Variants in SLC46A2 observed in about 807,000 individuals in gnomAD.
SLC46A2 encodes the protein thymic stromal co-transporter.
Under a neutral mutation model 33.1 loss-of-function variants are expected in SLC46A2, and 25 were observed. That is an observed-to-expected ratio of 0.76 (90% CI 0.55 to 1.06). SLC46A2 has a LOEUF of 1.06. Ranked by LOEUF, SLC46A2 falls within the 50% of genes least tolerant of loss-of-function variation. The pLI is 0.00. For synonymous variants in SLC46A2, 254 were observed against 275.9 expected (o/e 0.92, Z 0.79); for missense variants, 622 against 621.7 (o/e 1.00, Z 0.00).
chr9:112,881,026 C>G (rs983767935), intron 3 of SLC46A2, among the ~76,000 whole-genome samples: 3 of 152,184 alleles, frequency 2.0e-5, no homozygotes, highest in African/African-American at 7.2e-5. Context: ...CAAGATTAAG[C>G]CTTTGCTAAT....
rs1291236027 is a variant in SLC46A2, at chr9:112,890,046, G to A, written c.636C>T (p.Ser212=). 22 of 1,613,812 alleles carry A rather than the reference G, an allele frequency of 1.4e-5. No homozygotes were observed. The highest frequency in any genetic ancestry group is 1.8e-5 in the Non-Finnish European group (21 of 1,180,018). ...GCAGGGCAAACGAGGCACAGCTCAC[G>A]CTGCAGGCCGTCAGTATCAGGCCCT... The part of the protein sequence containing the change: ...SGQGLILTAC[S]VSCASFALLY... The change falls in exon 1 of 4, where the codon AGC becomes AGT. Residue 212 remains serine, a synonymous_variant. Coordinates refer to ENST00000374228, the MANE Select transcript of SLC46A2 (RefSeq NM_033051.4). The surrounding 1 kb of genome is among the most constrained non-coding windows in gnomAD (Gnocchi z 6.0).
chr9:112,889,503 T>G (rs768315734), intron 1 of SLC46A2, 50 bp downstream of exon 1: 1 of 1,539,750 alleles, frequency 6.5e-7, no homozygotes, highest in Non-Finnish European at 8.8e-7. Flanking sequence ...GTCAGCCCCA[T>G]GATGCAGAGG....
At chr9:112,881,592 CTT>C (rs1841577707) in intron 3 of SLC46A2, 1 of 152,284 alleles carries the variant, frequency 6.6e-6, no homozygotes, top group African/African-American at 2.4e-5. Context: ...GCAGTGCTGA[CTT>C]ATTAGTCAGC....
rs142032448 is a variant in SLC46A2, at chr9:112,885,742, A to G, written c.1370+718T>C. On this transcript the variant is annotated intron_variant, in intron 3 of 3. Transcript: ENST00000374228. ...GGAGATGATATTTTGCATGTCAAAT[A>G]TGTTATTAAAATTAATTTCACCTGT... The G allele has an allele frequency of 9.2e-5, 14 of 152,300 alleles. No individual in the cohort carries two copies. The East Asian group carries it at 1.9e-3, about 21-fold the overall frequency. The allele number at this position is 152,300 out of a possible 1,614,324, so 9.4% of individuals were successfully genotyped here.
intron 3 of SLC46A2, among the ~76,000 whole-genome samples, chr9:112,884,601 G>T (rs553016928): frequency 1.3e-5 from 2 of 152,208 alleles, no homozygotes; most frequent in Non-Finnish European, 2.9e-5. Context: ...CAGAATCTCT[G>T]GTGGGTGGGA....
intron 1 of SLC46A2, among the ~76,000 whole-genome samples, chr9:112,889,025 G>A (rs1338913325): frequency 6.6e-6 from 1 of 152,010 alleles, no homozygotes; most frequent in Non-Finnish European, 1.5e-5. Flanking sequence ...TGAGTAGCTA[G>A]GACTACAGGT....
chr9:112,890,498 G>T lies in SLC46A2; in HGVS notation c.184C>A (p.Pro62Thr), dbSNP rs145268630. ...TGTTGGTCCTCTAGAGCCCCCCGGGGCGATGGGCTGGCACTGTGGTTGGAG... is the reference window on the plus strand; with the variant it reads ...TGTTGGTCCTCTAGAGCCCCCCGGGTCGATGGGCTGGCACTGTGGTTGGAG... ...GSSNHSASPS[P>T]RGALEDQQQR... The change falls in exon 1 of 4, where the codon CCC becomes ACC. Residue 62 changes from proline to threonine, a missense_variant. Physicochemically the swap from Pro to Thr is conservative, Grantham distance 38. Transcript: ENST00000374228. This position sits in a 1 kb window ranked among gnomAD's most constrained non-coding sequence, Gnocchi z 6.0. 6.2e-7 allele frequency: 1 copy of T among 1,614,208 alleles called. No homozygotes were observed. The highest frequency in any genetic ancestry group is 1.7e-5 in the Admixed American group (1 of 60,036).
rs1192297149 is a variant in SLC46A2 at position 112,889,720 on chromosome 9, C to T, written c.962G>A (p.Gly321Asp). Residue 321 changes from glycine to aspartate, a missense_variant, in exon 1 of 4, where the codon GGC (glycine) becomes GAC (aspartate). Physicochemically the swap from Gly to Asp is moderately conservative, Grantham distance 94. Coordinates refer to ENST00000374228, the MANE Select transcript of SLC46A2 (RefSeq NM_033051.4). ...GGTGTACCCTGCAGCCATACCATAG[C>T]CCACCTGCACTTGGTTCCAACCGAG... is the stretch of plus-strand genomic sequence containing the variant. ...EPLGWNQVQV[G>D]YGMAAGYTIF... The T allele has an allele frequency of 1.2e-6, 2 of 1,614,072 alleles. No homozygotes were observed.
At chr9:112,888,146 G>A (rs770321540) in intron 1 of SLC46A2, among the ~76,000 whole-genome samples, 7 of 152,120 alleles carry the variant, frequency 4.6e-5, no homozygotes, top group Non-Finnish European at 8.8e-5. Flanking sequence ...GTGTGGTGGT[G>A]CATGCCTATA....
intron 2 of SLC46A2, 109 bp downstream of exon 2, chr9:112,887,221 G>T (rs1841652786): frequency 2.1e-6 from 2 of 947,476 alleles, no homozygotes; most frequent in Non-Finnish European, 3.2e-6. Flanking sequence ...TGTCTTCAAA[G>T]ATGCTTCTGG....
intron 3 of SLC46A2, chr9:112,881,612 A>T (rs1184171195): frequency 6.6e-6 from 1 of 152,236 alleles, no homozygotes; most frequent in East Asian, 1.9e-4. Flanking sequence ...AGCGTAAGTC[A>T]GCGCTGAGAG....
chr9:112,884,741 G>A (rs763714273), intron 3 of SLC46A2, among the ~76,000 whole-genome samples: 2 of 152,176 alleles, frequency 1.3e-5, no homozygotes, highest in Non-Finnish European at 2.9e-5. Flanking sequence ...TTGCTTACTT[G>A]TATCTTCCCA....
At position 112,886,497 on chromosome 9, in the gene SLC46A2, A is replaced by G; in HGVS notation, c.1333T>C (p.Ser445Pro). The change falls in exon 3 of 4, where the codon TCC (serine) becomes CCC (proline). Residue 445 changes from serine (S) to proline (P), a missense_variant. Physicochemically the swap from Ser to Pro is moderately conservative, Grantham distance 74. Transcript: ENST00000374228. ...DMFVGSCFALSSFLSFLAIIP... is the reference protein window; with the variant it reads ...DMFVGSCFALPSFLSFLAIIP... Reference sequence around the variant, plus strand: ...ATGGCCAGGAAGGAGAGAAAGGAGGAGAGAGCAAAGCAGGAGCCCACAAAC... The same window carrying G: ...ATGGCCAGGAAGGAGAGAAAGGAGGGGAGAGCAAAGCAGGAGCCCACAAAC... The G allele has an allele frequency of 6.2e-7, 1 of 1,614,176 alleles. No individual in the cohort carries two copies. The highest frequency in any genetic ancestry group is 1.1e-5 in the South Asian group (1 of 91,084).
chr9:112,882,292 A>G (rs1169963066), intron 3 of SLC46A2, among the ~76,000 whole-genome samples: 1 of 152,034 alleles, frequency 6.6e-6, no homozygotes, highest in African/African-American at 2.4e-5. Flanking sequence ...TTTTTTGTAG[A>G]GTTGGGGTCT....
chr9:112,887,994 A>C (rs28478622), intron 1 of SLC46A2, among the ~76,000 whole-genome samples: 2 of 152,034 alleles, frequency 1.3e-5, no homozygotes, highest in East Asian at 1.9e-4. Context: ...ATAGAGACAG[A>C]CAGCCAGGCG....
At chr9:112,884,322 T>G (rs970250740) in intron 3 of SLC46A2, among the ~76,000 whole-genome samples, 1 of 152,246 alleles carries the variant, frequency 6.6e-6, no homozygotes, top group Admixed American at 6.5e-5. Context: ...CCTGGGTTTT[T>G]ATGTCATTGG....
rs1330964959 is a variant in SLC46A2, at chr9:112,889,598, C to T, written c.1084G>A (p.Ala362Thr). Residue 362 changes from alanine to threonine, a missense_variant, in exon 1 of 4, where the codon GCC (alanine) becomes ACC (threonine). Coordinates refer to ENST00000374228, the MANE Select transcript of SLC46A2 (RefSeq NM_033051.4). ...TCTTTCACAAAAGCCAAGAGGAGGG[C>T]TCCTGACCCAAAGGAGACCATCCCA... ...MIGMVSFGSGALLLAFVKETY... is the reference protein window; with the variant it reads ...MIGMVSFGSGTLLLAFVKETY... The T allele has an allele frequency of 1.2e-6, 2 of 1,613,984 alleles. No homozygotes were observed. Among genetic ancestry groups the T allele is most frequent in the Non-Finnish European group, 1.7e-6 (2 of 1,179,972 alleles).
chr9:112,879,570 T>C lies in SLC46A2; in HGVS notation c.*192A>G. 1.8e-6 allele frequency: 1 copy of C among 546,330 alleles called. No individual in the cohort carries two copies. 33.8% of individuals were successfully genotyped at this position (546,330 alleles called of 1,614,324 possible). A position where few individuals can be genotyped will look rare whatever the true frequency, so the allele number is the denominator to read the frequency against. On this transcript the variant is annotated 3_prime_UTR_variant, in exon 4 of 4. Transcript: ENST00000374228. ...TCTTAAAGCTGAGAACGTTTTTCCA[T>C]CACCAGGAAAGTGCTTTTCCCCATC...
intron 3 of SLC46A2, among the ~76,000 whole-genome samples, chr9:112,882,198 C>T (rs1841588349): frequency 6.6e-6 from 1 of 152,164 alleles, no homozygotes; most frequent in Non-Finnish European, 1.5e-5. Flanking sequence ...CCTCAACCTC[C>T]TGGGCTCAAG....
Sources: allele counts gnomAD v4.1 joint callset (sites outside exome capture counted in the v4.1 genomes callset), GRCh38; gene constraint gnomAD v4.1.1; non-coding constraint Gnocchi (gnomAD v3.1); transcripts MANE v1.5; gene names NCBI Gene and HGNC (gene_info 2026-07-23, HGNC 2026-07-21).